RTBDN: variants seen among roughly 807,000 people sequenced by gnomAD.
RTBDN encodes the protein retbindin.
Under a neutral mutation model 21.9 loss-of-function variants are expected in RTBDN, and 24 were observed. That is an observed-to-expected ratio of 1.10 (90% CI 0.79 to 1.54). The LOEUF is 1.54. Among genes scored for constraint, RTBDN ranks in the 40% most tolerant of loss-of-function variants. The pLI is 0.00. For synonymous variants in RTBDN, 141 were observed against 125.9 expected (o/e 1.12, Z -0.80); for missense variants, 325 against 315.2 (o/e 1.03, Z -0.23).
Position 12,825,899 on chromosome 19 carries a change from G to A in RTBDN, c.497C>T (p.Ala166Val). The change falls in exon 6 of 6, where the codon GCT becomes GTT. Residue 166 changes from alanine to valine, a missense_variant. Physicochemically the swap from Ala to Val is moderately conservative, Grantham distance 64. Transcript: ENST00000674343. ...FADGTDLCRS[A>V]LGHALPVAAP... ...AGCCACCGGTAGGGCGTGGCCCAGAGCCGAGCGACAAAGGTCCGTCCCGTC... is the reference window on the plus strand; with the variant it reads ...AGCCACCGGTAGGGCGTGGCCCAGAACCGAGCGACAAAGGTCCGTCCCGTC... The A allele has an allele frequency of 6.2e-7, 1 of 1,609,376 alleles. No individual in the cohort carries two copies. The highest frequency in any genetic ancestry group is 8.5e-7 in the Non-Finnish European group (1 of 1,177,770).
At position 12,825,938 on chromosome 19, in the gene RTBDN, G is replaced by A. The variant is rs759561477; in HGVS notation, c.463-5C>T. 10 of 1,569,064 alleles carry A rather than the reference G, an allele frequency of 6.4e-6. No homozygotes were observed. Among genetic ancestry groups the A allele is most frequent in the Non-Finnish European group, 8.7e-6 (10 of 1,154,304 alleles). On this transcript the variant is annotated splice_polypyrimidine_tract_variant and splice_region_variant and intron_variant, in intron 5 of 5. Transcript: ENST00000674343. ...GTCCGTCCCGTCTGCGAAGGTCTAG[G>A]AAAAAGTGGAGTTAAGGCCCTAGTG...
intron 4 of RTBDN, among the ~76,000 whole-genome samples, chr19:12,827,224 G>A (rs1011676872): frequency 2.0e-5 from 3 of 152,034 alleles, no homozygotes; most frequent in Admixed American, 6.6e-5. Flanking sequence ...CGTAAGCATG[G>A]CTTATGGCAG....
intron 1 of RTBDN, chr19:12,832,490 G>T (rs751281353): frequency 6.6e-6 from 1 of 152,224 alleles, no homozygotes; most frequent in Non-Finnish European, 1.5e-5. Context: ...TATGCCTCAC[G>T]CCAGAGCCTC....
At position 12,825,534 on chromosome 19, in the gene RTBDN, G is replaced by C; in HGVS notation, c.*172C>G. The stretch of plus-strand genomic sequence containing the variant: ...GGGAGAGGGAAAAGTGAGAGAGTTG[G>C]GTCATTTCTGGGATAACCTGGAGAG... On this transcript the variant is annotated 3_prime_UTR_variant, in exon 6 of 6. Coordinates refer to ENST00000674343, the MANE Select transcript of RTBDN (RefSeq NM_001270441.2). The C allele has an allele frequency of 9.9e-7, 1 of 1,012,806 alleles. No homozygotes were observed. The highest frequency in any genetic ancestry group is 1.4e-6 in the Non-Finnish European group (1 of 728,330). The allele number at this position is 1,012,806 out of a possible 1,614,324, so 62.7% of individuals were successfully genotyped here.
intron 3 of RTBDN, 26 bp downstream of exon 3, chr19:12,828,843 A>T: frequency 6.2e-7 from 1 of 1,614,102 alleles, no homozygotes. Flanking sequence ...AGTACGCGAG[A>T]AAACGGTGGA....
intron 1 of RTBDN, among the ~76,000 whole-genome samples, chr19:12,832,209 C>G (rs1227680290): frequency 6.6e-6 from 1 of 152,124 alleles, no homozygotes; most frequent in African/African-American, 2.4e-5. Flanking sequence ...TGTGAGTGTT[C>G]GTGTGCCTCT....
At chr19:12,831,378 T>C (rs1448370417) in intron 1 of RTBDN, among the ~76,000 whole-genome samples, 1 of 152,204 alleles carries the variant, frequency 6.6e-6, no homozygotes, top group Non-Finnish European at 1.5e-5. Context: ...ACCTACTGTG[T>C]GCTAGATTCT....
chr19:12,830,287 T>A lies in RTBDN; in HGVS notation c.-18-290A>T. ...CATCCAGCAGGATCTCCCACCTTTTTAGTCTTCAAGAGACCCCTTCTTTTC... is the reference window on the plus strand; with the variant it reads ...CATCCAGCAGGATCTCCCACCTTTTAAGTCTTCAAGAGACCCCTTCTTTTC... On this transcript the variant is annotated intron_variant, in intron 1 of 5. Coordinates refer to ENST00000674343, the MANE Select transcript of RTBDN (RefSeq NM_001270441.2). This position sits in a 1 kb window ranked among gnomAD's most constrained non-coding sequence, Gnocchi z 4.2. 1.7e-6 allele frequency: 2 copies of A among 1,154,176 alleles called. No individual in the cohort carries two copies. The highest frequency in any genetic ancestry group is 3.6e-4 in the Middle Eastern group (1 of 2,796). 71.5% of individuals were successfully genotyped at this position (1,154,176 alleles called of 1,614,324 possible).
chr19:12,831,213 T>A (rs1001122229), intron 1 of RTBDN, among the ~76,000 whole-genome samples: 5 of 152,178 alleles, frequency 3.3e-5, no homozygotes, highest in African/African-American at 1.2e-4. Context: ...TTTTTGACCA[T>A]GAAGGTTGAC....
At chr19:12,834,606 G>C (rs1016130875), upstream of RTBDN, 6 of 1,516,514 alleles carry the variant, frequency 4.0e-6, no homozygotes, top group Non-Finnish European at 5.3e-6. This position sits in a 1 kb window ranked among gnomAD's most constrained non-coding sequence, Gnocchi z 4.7. Flanking sequence ...CGATCCTCAA[G>C]TCCAGCCCAG....
chr19:12,835,022 G>T, upstream of RTBDN: 2 of 1,594,130 alleles, frequency 1.3e-6, no homozygotes, highest in South Asian at 1.1e-5. Flanking sequence ...GCCGAGAATG[G>T]GCCCAGACTC....
chr19:12,831,859 G>A (rs1969585497), intron 1 of RTBDN, among the ~76,000 whole-genome samples: 1 of 152,178 alleles, frequency 6.6e-6, no homozygotes, highest in Non-Finnish European at 1.5e-5. Flanking sequence ...AGAATAATTT[G>A]TCTGTTTTAG....
chr19:12,828,739 G>A lies in RTBDN; in HGVS notation c.283C>T (p.Arg95Cys). The A allele has an allele frequency of 3.1e-6, 5 of 1,614,254 alleles. No individual in the cohort carries two copies. Among genetic ancestry groups the A allele is most frequent in the South Asian group, 1.1e-5 (1 of 91,092 alleles). Reference sequence around the variant, plus strand: ...AGGCGGAAGCGACTGCGAAGGGCACGTTGGAGGTGTTCCAGGAAGGATTCG... The same window carrying A: ...AGGCGGAAGCGACTGCGAAGGGCACATTGGAGGTGTTCCAGGAAGGATTCG... Reference protein sequence around the residue: ...ECESFLEHLQRALRSRFRLRL... With the variant: ...ECESFLEHLQCALRSRFRLRL... The change falls in exon 4 of 6, where the codon CGT (arginine) becomes TGT (cysteine). Residue 95 changes from arginine (R) to cysteine (C), a missense_variant. By Grantham distance (180) the Arg-to-Cys change is radical. Coordinates refer to ENST00000674343, the MANE Select transcript of RTBDN (RefSeq NM_001270441.2).
chr19:12,825,871 A>C lies in RTBDN; in HGVS notation c.525T>G (p.Ala175=). ...SALGHALPVA[A]PGARHCFNIS... Reference sequence around the variant, plus strand: ...TGTTGAAGCAGTGACGGGCTCCAGGAGCAGCCACCGGTAGGGCGTGGCCCA... The same window carrying C: ...TGTTGAAGCAGTGACGGGCTCCAGGCGCAGCCACCGGTAGGGCGTGGCCCA... Residue 175 remains alanine (A), a synonymous_variant, in exon 6 of 6, where the codon GCT becomes GCG. Transcript: ENST00000674343. 1 of 1,613,270 alleles carries C rather than the reference A, an allele frequency of 6.2e-7. No homozygotes were observed.
chr19:12,834,909 G>A, upstream of RTBDN: 1 of 1,586,204 alleles, frequency 6.3e-7, no homozygotes, highest in Non-Finnish European at 8.7e-7. This position sits in a 1 kb window ranked among gnomAD's most constrained non-coding sequence, Gnocchi z 4.7. Flanking sequence ...ATCCCAGAGG[G>A]GAAGGTGATG....
chr19:12,834,700 G>C, upstream of RTBDN: 1 of 1,554,184 alleles, frequency 6.4e-7, no homozygotes. This position sits in a 1 kb window ranked among gnomAD's most constrained non-coding sequence, Gnocchi z 4.7. Flanking sequence ...CAGGAGCCGT[G>C]CGTCCACTGC....
Position 12,828,864 on chromosome 19 carries a change from C to T in RTBDN, c.254+5G>A, listed in dbSNP as rs1193941238. 4 of 1,614,084 alleles carry T rather than the reference C, an allele frequency of 2.5e-6. No individual in the cohort carries two copies. The highest frequency in any genetic ancestry group is 2.5e-6 in the Non-Finnish European group (3 of 1,180,030). On this transcript the variant is annotated splice_donor_5th_base_variant and intron_variant, in intron 3 of 5. Coordinates refer to ENST00000674343, the MANE Select transcript of RTBDN (RefSeq NM_001270441.2). ...CGAGAAAACGGTGGAGGGTGCTGTACTCACTCAGGGCTCGGCACTCCACAG... is the reference window on the plus strand; with the variant it reads ...CGAGAAAACGGTGGAGGGTGCTGTATTCACTCAGGGCTCGGCACTCCACAG...
At chr19:12,826,213 TG>T in intron 5 of RTBDN, 2 of 1,323,946 alleles carry the variant, frequency 1.5e-6, no homozygotes, top group Non-Finnish European at 1.9e-6. Flanking sequence ...ACTGGGCTTC[TG>T]GGTCCTCCAG....
chr19:12,828,436 G>C (rs1210689437), intron 4 of RTBDN, among the ~76,000 whole-genome samples: 1 of 146,404 alleles, frequency 6.8e-6, no homozygotes, highest in Non-Finnish European at 1.5e-5. Flanking sequence ...AAATCGCAGG[G>C]CTATGAAAAG....
Sources: gnomAD v4.1 joint callset for allele counts (sites outside exome capture counted in the v4.1 genomes callset) on GRCh38, gnomAD v4.1.1 for gene constraint, Gnocchi (gnomAD v3.1) non-coding constraint, MANE v1.5 for transcripts, NCBI Gene and HGNC (gene_info 2026-07-23, HGNC 2026-07-21) for gene names.